The following EYS variants were observed in gnomAD, a reference collection of about 807,000 sequenced individuals.
The protein encoded by EYS is protein eyes shut homolog.
EYS carries 250 observed loss-of-function variants against 282.1 expected under a neutral mutation model. The observed-to-expected ratio is 0.89, with a 90% confidence interval of 0.80 to 0.98. EYS has a LOEUF of 0.98. Among genes scored for constraint, EYS ranks in the 50% least tolerant of loss-of-function variants. The pLI is 0.00. For synonymous variants in EYS, 1,355 were observed against 1,282.9 expected (o/e 1.06, Z -1.20); for missense variants, 4,016 against 3,709.0 (o/e 1.08, Z -2.15).
intron 35 of EYS, among the ~76,000 whole-genome samples, chr6:63,871,611 G>A (rs1036299870): frequency 1.3e-5 from 2 of 152,232 alleles, no homozygotes; most frequent in African/African-American, 4.8e-5. Context: ...TCAGTGAGCC[G>A]AGATCATGCC....
chr6:64,659,657 A>G (rs1223817415), intron 22 of EYS, among the ~76,000 whole-genome samples: 1 of 152,220 alleles, frequency 6.6e-6, no homozygotes, highest in Non-Finnish European at 1.5e-5. Flanking sequence ...AAATTCCTTG[A>G]CACATACACC....
chr6:65,116,569 C>T (rs920980307), intron 12 of EYS, among the ~76,000 whole-genome samples: 3 of 152,076 alleles, frequency 2.0e-5, no homozygotes, highest in African/African-American at 7.2e-5. Context: ...TTGAACGTGA[C>T]AAGGAACTGC....
intron 31 of EYS, among the ~76,000 whole-genome samples, chr6:64,178,166 T>C (rs905884071): frequency 2.6e-5 from 4 of 152,126 alleles, no homozygotes; most frequent in Non-Finnish European, 4.4e-5. Flanking sequence ...TGAATGTGGA[T>C]GTATGTTTTA....
intron 33 of EYS, among the ~76,000 whole-genome samples, chr6:64,005,433 T>C (rs1193112799): frequency 6.6e-6 from 1 of 152,168 alleles, no homozygotes; most frequent in Non-Finnish European, 1.5e-5. Context: ...GTTTACTCTG[T>C]TGCTAGTTTC....
At chr6:64,296,527 AATT>A (rs1768994905) in intron 30 of EYS, among the ~76,000 whole-genome samples, 1 of 47,874 alleles carries the variant, frequency 2.1e-5, no homozygotes, top group South Asian at 1.3e-3. Context: ...CCTAGACAAC[AATT>A]GTACTGGCAG....
chr6:65,056,005 A>C (rs980890113), intron 13 of EYS, among the ~76,000 whole-genome samples: 1 of 152,074 alleles, frequency 6.6e-6, no homozygotes, highest in African/African-American at 2.4e-5. Flanking sequence ...CATTAAGTTC[A>C]AAGTACCTAC....
chr6:65,329,749 T>A (rs1769728452), intron 11 of EYS: 47 of 974,722 alleles, frequency 4.8e-5, no homozygotes, highest in Non-Finnish European at 5.2e-5. Context: ...TTATTAGACT[T>A]TTGGGATCAG....
At chr6:64,137,023 G>C (rs1477924102) in intron 31 of EYS, among the ~76,000 whole-genome samples, 2 of 152,146 alleles carry the variant, frequency 1.3e-5, no homozygotes, top group Non-Finnish European at 2.9e-5. Flanking sequence ...CCATTGTTTA[G>C]TGTAACGACC....
At chr6:64,519,457 C>T (rs1172393814) in intron 26 of EYS, among the ~76,000 whole-genome samples, 1 of 151,742 alleles carries the variant, frequency 6.6e-6, no homozygotes, top group African/African-American at 2.4e-5. Flanking sequence ...AACACATTTT[C>T]CTCGGTAAAG....
chr6:63,866,979 G>A (rs1031956454), intron 35 of EYS, among the ~76,000 whole-genome samples: 7 of 152,134 alleles, frequency 4.6e-5, no homozygotes, highest in Admixed American at 1.3e-4. Flanking sequence ...GGACTCAAAG[G>A]TTTCTCCTAT....
At chr6:64,080,382 C>T (rs1328226729) in intron 32 of EYS, among the ~76,000 whole-genome samples, 1 of 151,940 alleles carries the variant, frequency 6.6e-6, no homozygotes, top group Non-Finnish European at 1.5e-5. Context: ...TGTTCATATC[C>T]TTCACCCACT....
At chr6:64,662,057 A>G (rs1037940454) in intron 22 of EYS, among the ~76,000 whole-genome samples, 1 of 152,068 alleles carries the variant, frequency 6.6e-6, no homozygotes, top group African/African-American at 2.4e-5. Flanking sequence ...GCAGCCATAA[A>G]AAACGATGAG....
At chr6:65,069,819 C>T (rs1431273773) in intron 12 of EYS, among the ~76,000 whole-genome samples, 2 of 151,884 alleles carry the variant, frequency 1.3e-5, no homozygotes, top group Non-Finnish European at 2.9e-5. Flanking sequence ...AATATCTGAA[C>T]AGCTATTGAA....
intron 36 of EYS, among the ~76,000 whole-genome samples, chr6:63,808,313 A>C (rs1770957447): frequency 6.6e-6 from 1 of 152,212 alleles, no homozygotes. Flanking sequence ...TGAAGAAGAA[A>C]AGTGAGAGTG....
intron 13 of EYS, among the ~76,000 whole-genome samples, chr6:65,022,244 G>A (rs900137548): frequency 6.6e-6 from 1 of 152,178 alleles, no homozygotes; most frequent in Non-Finnish European, 1.5e-5. Context: ...CCTACATAGT[G>A]CTACAGAACC....
rs149531345 is a variant in EYS, at chr6:63,752,697, G to A, written c.8071+9764C>T. Among the ~76,000 whole-genome samples the A allele has an allele frequency of 2.4e-4, 37 of 151,670 alleles. No homozygotes were observed. In the East Asian group the frequency reaches 4.5e-3, roughly 18 times the overall value. On this transcript the variant is annotated intron_variant, in intron 41 of 42. Coordinates refer to ENST00000503581, the MANE Select transcript of EYS (RefSeq NM_001142800.2). The stretch of plus-strand genomic sequence containing the variant: ...TTTTTAGTAGAGACGGGGTTTCACC[G>A]TGTTACCCAGGATGGTCTCGATCTC...
At chr6:63,907,056 TC>T (rs1773795999) in intron 35 of EYS, among the ~76,000 whole-genome samples, 1 of 152,146 alleles carries the variant, frequency 6.6e-6, no homozygotes, top group Non-Finnish European at 1.5e-5. Flanking sequence ...ACACAGCAGA[TC>T]CATGCCTGGA....
intron 36 of EYS, among the ~76,000 whole-genome samples, chr6:63,827,009 C>G (rs1317750254): frequency 2.0e-5 from 3 of 152,076 alleles, no homozygotes; most frequent in Non-Finnish European, 4.4e-5. Flanking sequence ...AAGAACTCAC[C>G]AACCATCTGC....
intron 29 of EYS, among the ~76,000 whole-genome samples, chr6:64,315,780 G>C (rs1357245832): frequency 6.6e-6 from 1 of 150,738 alleles, no homozygotes; most frequent in Non-Finnish European, 1.5e-5. Context: ...GAACATTTCA[G>C]GCCAATATCC....
Sources: allele counts gnomAD v4.1 joint callset (sites outside exome capture counted in the v4.1 genomes callset), GRCh38; gene constraint gnomAD v4.1.1; transcripts MANE v1.5; gene names NCBI Gene and HGNC (gene_info 2026-07-23, HGNC 2026-07-21).